NHS: variants seen among roughly 807,000 people sequenced by gnomAD.
NHS encodes actin remodeling regulator NHS.
A neutral mutation model predicts 72.5 loss-of-function variants in NHS; 5 were observed. The ratio of observed to expected loss-of-function variants is 0.07; its 90% CI spans 0.04 to 0.14. NHS has a LOEUF of 0.14. NHS is among the 10% of genes least tolerant of loss of function. The pLI, the probability that NHS is intolerant of heterozygous loss-of-function variation, is 1.00. For missense variants in NHS, 1,072 were observed against 1,355.7 expected (o/e 0.79, Z 3.29); for synonymous variants, 464 against 547.7 (o/e 0.85, Z 2.13).
intron 1 of NHS, among the ~76,000 whole-genome samples, chrX:17,632,156 G>A (rs964534787): frequency 3.6e-5 from 4 of 111,754 alleles, no homozygotes; most frequent in Non-Finnish European, 7.5e-5. Context: ...AAGAGAAGGA[G>A]AATGTGGAAG....
At chrX:17,607,354 C>T (rs2065685691) in intron 1 of NHS, among the ~76,000 whole-genome samples, 3 of 112,013 alleles carry the variant, frequency 2.7e-5, no homozygotes, top group Non-Finnish European at 5.6e-5. Context: ...GCCAAGGATA[C>T]AACAGTGAAC....
At chrX:17,704,971 G>A (rs1036912770) in intron 3 of NHS, among the ~76,000 whole-genome samples, 2 of 112,207 alleles carry the variant, frequency 1.8e-5, no homozygotes, top group African/African-American at 6.5e-5. Flanking sequence ...GAAGGAGCAT[G>A]CGGAAGCCTA....
intron 1 of NHS, among the ~76,000 whole-genome samples, chrX:17,561,148 G>A (rs1264710594): frequency 1.8e-5 from 2 of 112,474 alleles, no homozygotes; most frequent in Non-Finnish European, 3.8e-5. Context: ...TGGCCATCCA[G>A]GACATAAGGT....
At chrX:17,700,425 A>G (rs1172999134) in intron 3 of NHS, among the ~76,000 whole-genome samples, 2 of 107,303 alleles carry the variant, frequency 1.9e-5, no homozygotes, top group African/African-American at 6.8e-5. Flanking sequence ...AGCCTGGGTG[A>G]CAGAGGAGAC....
chrX:17,691,415 C>G lies in NHS; in HGVS notation c.719-920C>G, dbSNP rs781764825. On this transcript the variant is annotated intron_variant, in intron 2 of 8. Coordinates refer to ENST00000676302, the MANE Select transcript of NHS (RefSeq NM_001291867.2). ...TTGGAGGCAGTTTAGCAAAGACTACCTACATGGTTTTGAAGACTTTGCTCT... is the reference window on the plus strand; with the variant it reads ...TTGGAGGCAGTTTAGCAAAGACTACGTACATGGTTTTGAAGACTTTGCTCT... Among the ~76,000 whole-genome samples the G allele has an allele frequency of 2.4e-4, 27 of 112,111 alleles. No homozygotes were observed. In the South Asian group the frequency reaches 1.0e-2, roughly 41 times the overall value.
At chrX:17,510,392 A>G (rs1450834023) in intron 1 of NHS, among the ~76,000 whole-genome samples, 1 of 111,492 alleles carries the variant, frequency 9.0e-6, no homozygotes. Context: ...GTCTCATTCC[A>G]CCTCATGAAT....
chrX:17,630,640 A>C (rs2065819728), intron 1 of NHS, among the ~76,000 whole-genome samples: 1 of 111,510 alleles, frequency 9.0e-6, no homozygotes, highest in Non-Finnish European at 1.9e-5. Flanking sequence ...GCAAATATCC[A>C]GCTGAGACTA....
At chrX:17,387,630 T>A in intron 1 of NHS, among the ~76,000 whole-genome samples, 1 of 112,499 alleles carries the variant, frequency 8.9e-6, no homozygotes, top group Non-Finnish European at 1.9e-5. Flanking sequence ...CATTGGCAAG[T>A]GTCTGGTTTA....
At chrX:17,390,570 T>C (rs985772350) in intron 1 of NHS, among the ~76,000 whole-genome samples, 1 of 111,632 alleles carries the variant, frequency 9.0e-6, no homozygotes, top group African/African-American at 3.3e-5. Flanking sequence ...CTTCAAAGTT[T>C]GCGGCAATGT....
intron 1 of NHS, among the ~76,000 whole-genome samples, chrX:17,565,304 C>G (rs1647821793): frequency 8.9e-6 from 1 of 111,877 alleles, no homozygotes; most frequent in Admixed American, 9.5e-5. Context: ...CTCAGATCTT[C>G]CAGTCTGCTG....
At chrX:17,516,792 C>T (rs781600140) in intron 1 of NHS, among the ~76,000 whole-genome samples, 3 of 111,688 alleles carry the variant, frequency 2.7e-5, no homozygotes, top group Non-Finnish European at 5.6e-5. Context: ...CACACACACA[C>T]GTGCACATAC....
chrX:17,414,735 A>G (rs372685311), intron 1 of NHS, among the ~76,000 whole-genome samples: 1 of 111,607 alleles, frequency 9.0e-6, no homozygotes, highest in African/African-American at 3.3e-5. Context: ...AAAGGGGAAC[A>G]AGAATTTTCC....
intron 1 of NHS, among the ~76,000 whole-genome samples, chrX:17,641,771 AAAAAG>A (rs1569299022): frequency 1.8e-5 from 2 of 110,811 alleles, no homozygotes; most frequent in Non-Finnish European, 3.8e-5. Flanking sequence ...TTAAAAAAAA[AAAAAG>A]AAAAGAAAAA....
rs975160199 is a variant in NHS at position 17,734,699 on chromosome X, T to C, written c.*2235T>C. On this transcript the variant is annotated 3_prime_UTR_variant, in exon 9 of 9. Coordinates refer to ENST00000676302, the MANE Select transcript of NHS (RefSeq NM_001291867.2). ...ATTAATTAAGAAAACCAGCATGGTTTGACACCACATGGGAACATGAATAAA... is the reference window on the plus strand; with the variant it reads ...ATTAATTAAGAAAACCAGCATGGTTCGACACCACATGGGAACATGAATAAA... The C allele has an allele frequency of 5.3e-5, 6 of 112,857 alleles. No homozygotes were observed. Among genetic ancestry groups the C allele is most frequent in the African/African-American group, 1.9e-4 (6 of 30,917 alleles). The allele number at this position is 112,857 out of a possible 1,213,427, so 9.3% of individuals were successfully genotyped here.
In NHS at chrX:17,687,614, A is replaced by G; in HGVS notation, c.566-128A>G. ...TTCTCCGGCCTTGAGTTAGTTCTTA[A>G]TGTGAATGCAGTAGTCTGGACTTCC... On this transcript the variant is annotated intron_variant, in intron 1 of 8. Coordinates refer to ENST00000676302, the MANE Select transcript of NHS (RefSeq NM_001291867.2). The G allele has an allele frequency of 5.1e-6, 4 of 783,418 alleles. No homozygotes were observed. In the South Asian group the frequency reaches 8.3e-5, roughly 16 times the overall value. The allele number at this position is 783,418 out of a possible 1,213,427, so 64.6% of individuals were successfully genotyped here. A position where few individuals can be genotyped will look rare whatever the true frequency, so the allele number is the denominator to read the frequency against.
At chrX:17,723,770 T>TGTGTGTGCGTGC (rs541219770) in intron 5 of NHS, among the ~76,000 whole-genome samples, 1 of 91,337 alleles carries the variant, frequency 1.1e-5, no homozygotes, top group East Asian at 3.4e-4. Context: ...TGTGTGTGTG[T>TGTGTGTGCGTGC]GCGCGCGCGT....
At chrX:17,561,572 G>GCACACACACACACACACA (rs1304131940) in intron 1 of NHS, among the ~76,000 whole-genome samples, 1 of 60,229 alleles carries the variant, frequency 1.7e-5, no homozygotes, top group Non-Finnish European at 2.9e-5. Flanking sequence ...GCGCGCGCGC[G>GCACACACACACACACACA]CGCACACACA....
At chrX:17,623,234 C>T (rs757246469) in intron 1 of NHS, among the ~76,000 whole-genome samples, 7 of 112,449 alleles carry the variant, frequency 6.2e-5, no homozygotes, top group Non-Finnish European at 9.4e-5. Context: ...CCACTGTGGC[C>T]GGCCCTCAAT....
chrX:17,680,076 G>C lies in NHS; in HGVS notation c.566-7666G>C, dbSNP rs368425298. 2.7e-5 allele frequency among the ~76,000 whole-genome samples: 3 copies of C among 112,295 alleles called. No homozygotes were observed. In the East Asian group the frequency reaches 8.4e-4, roughly 31 times the overall value. On this transcript the variant is annotated intron_variant, in intron 1 of 8. Transcript: ENST00000676302. ...AAGGCAAACCCTGGCTTCTGTGGCT[G>C]GTTCATCTCAACAACTGCTCTCTGA... is the stretch of plus-strand genomic sequence containing the variant.
Sources: gnomAD v4.1 joint callset for allele counts (sites outside exome capture counted in the v4.1 genomes callset) on GRCh38, gnomAD v4.1.1 for gene constraint, MANE v1.5 for transcripts, NCBI Gene and HGNC (gene_info 2026-07-23, HGNC 2026-07-21) for gene names.